The following TRAF7 variants were observed in gnomAD, a reference collection of about 807,000 sequenced individuals.
TRAF7 encodes the protein TNF receptor associated factor 7, also known as E3 ubiquitin-protein ligase TRAF7.
A neutral mutation model predicts 89.3 loss-of-function variants in TRAF7; 45 were observed. The ratio of observed to expected loss-of-function variants is 0.50; its 90% confidence interval spans 0.40 to 0.65. The LOEUF (loss-of-function observed/expected upper bound fraction) is 0.65, where lower values mean the gene tolerates loss of function less well. TRAF7 is among the 30% of genes least tolerant of loss of function. The pLI is 0.00. For missense variants in TRAF7, 677 were observed against 918.1 expected (o/e 0.74, Z 3.39); for synonymous variants, 406 against 369.2 (o/e 1.10, Z -1.14).
chr16:2,166,318 G>T (rs540272321), intron 3 of TRAF7, among the ~76,000 whole-genome samples: 1 of 152,328 alleles, frequency 6.6e-6, no homozygotes, highest in East Asian at 1.9e-4. Flanking sequence ...GTGCCCGGAG[G>T]TCTTCTCTTG....
intron 1 of TRAF7, among the ~76,000 whole-genome samples, chr16:2,156,963 G>C (rs916670957): frequency 1.2e-4 from 19 of 152,224 alleles, no homozygotes; most frequent in Admixed American, 9.2e-4. Context: ...GGTCAGCTGG[G>C]GTTGAGTCTG....
intron 14 of TRAF7, 118 bp from the exon 15 acceptor site, chr16:2,174,993 T>C (rs1882172943): frequency 7.8e-7 from 1 of 1,279,858 alleles, no homozygotes; most frequent in African/African-American, 1.5e-5. Context: ...AGCAGTGGCC[T>C]TGGCCCTGGG....
At chr16:2,176,488 C>A (rs140044726) in intron 20 of TRAF7, 72 bp from the exon 21 acceptor site, 2 of 1,612,928 alleles carry the variant, frequency 1.2e-6, no homozygotes, top group Non-Finnish European at 1.7e-6. Flanking sequence ...AGGGCAGGTA[C>A]GTGTGGCAGG....
Position 2,158,198 on chromosome 16 carries a change from A to G in TRAF7, c.-39+2340A>G, listed in dbSNP as rs1462124182. 6.6e-6 allele frequency among the ~76,000 whole-genome samples: 1 copy of G among 152,176 alleles called. No individual in the cohort carries two copies. Among genetic ancestry groups the G allele is most frequent in the African/African-American group, 2.4e-5 (1 of 41,438 alleles). On this transcript the variant is annotated intron_variant, in intron 1 of 20. Coordinates refer to ENST00000326181, the MANE Select transcript of TRAF7 (RefSeq NM_032271.3). This position sits in a 1 kb window ranked among gnomAD's most constrained non-coding sequence, Gnocchi z 4.7. ...GCGTGTGTCTCAGTCCGGCCTTCTC[A>G]GTGGGTGGGCACCGAGGACTTCACC...
chr16:2,176,132 G>A lies in TRAF7; in HGVS notation c.1830G>A (p.Thr610=), dbSNP rs1175028729. Residue 610 remains threonine (T), a synonymous_variant, in exon 19 of 21, where the codon ACG becomes ACA. Coordinates refer to ENST00000326181, the MANE Select transcript of TRAF7 (RefSeq NM_032271.3). Reference sequence around the variant, plus strand: ...TGTATGCCCTGGCGGTCATCTCGACGCCAGACCAGACCAAAGTCTTCAGTG... The same window carrying A: ...TGTATGCCCTGGCGGTCATCTCGACACCAGACCAGACCAAAGTCTTCAGTG... The part of the protein sequence containing the change: ...GTVYALAVIS[T]PDQTKVFSAS... The A allele has an allele frequency of 7.5e-6, 12 of 1,610,366 alleles. No homozygotes were observed. The highest frequency in any genetic ancestry group is 2.7e-5 in the African/African-American group (2 of 75,058).
rs935375161 is a variant in TRAF7, at chr16:2,162,301, C to T, written c.-38-1582C>T. ...AGCCCAGGAGCTCAGGTGCAGGGAA[C>T]CAAGGGCTTGAGAGCCAGCCCCTCC... On this transcript the variant is annotated intron_variant, in intron 1 of 20. Transcript: ENST00000326181. This position sits in a 1 kb window ranked among gnomAD's most constrained non-coding sequence, Gnocchi z 5.0. Among the ~76,000 whole-genome samples, 2 of 152,164 alleles carry T rather than the reference C, an allele frequency of 1.3e-5. No individual in the cohort carries two copies. Among genetic ancestry groups the T allele is most frequent in the African/African-American group, 4.8e-5 (2 of 41,458 alleles).
chr16:2,173,624 TC>T, intron 11 of TRAF7, 70 bp downstream of exon 11: 2 of 1,587,918 alleles, frequency 1.3e-6, no homozygotes, highest in Non-Finnish European at 1.7e-6. Context: ...CAGGGAGGCC[TC>T]CCCTGGCCTT....
intron 13 of TRAF7, 53 bp from the exon 14 acceptor site, chr16:2,174,198 C>T: frequency 1.9e-6 from 3 of 1,599,766 alleles, no homozygotes; most frequent in Admixed American, 1.7e-5. Context: ...TCATGCTGCC[C>T]CTTGACACTG....
rs2093047142 is a variant in TRAF7, at chr16:2,158,975, TC to T, written c.-39+3121del. On this transcript the variant is annotated intron_variant, in intron 1 of 20. Transcript: ENST00000326181. The surrounding 1 kb of genome is among the most constrained non-coding windows in gnomAD (Gnocchi z 4.7). ...CATCCTCCAGGAAGCCCTCTGGACT[TC>T]CCCTCGACTGGGCCAGGTCCCCACA... is the stretch of plus-strand genomic sequence containing the variant. 6.6e-6 allele frequency among the ~76,000 whole-genome samples: 1 copy of T among 151,882 alleles called. No individual in the cohort carries two copies. The highest frequency in any genetic ancestry group is 6.6e-5 in the Admixed American group (1 of 15,266).
chr16:2,173,594 G>GGGGAGGCCGGCGGCCCCGGCA (rs1567252553), intron 11 of TRAF7, 40 bp downstream of exon 11: 1 of 1,604,912 alleles, frequency 6.2e-7, no homozygotes, highest in African/African-American at 1.3e-5. Context: ...TGTGAGACCC[G>GGGGAGGCCGGCGGCCCCGGCA]GGGAGGCCGG....
At chr16:2,156,509 G>A (rs2093035204) in intron 1 of TRAF7, among the ~76,000 whole-genome samples, 1 of 152,152 alleles carries the variant, frequency 6.6e-6, no homozygotes, top group Admixed American at 6.5e-5. Flanking sequence ...AGAGGGTGCT[G>A]AAAAAGTGAG....
rs942769320 is a variant in TRAF7 at position 2,162,732 on chromosome 16, G to T, written c.-38-1151G>T. Among the ~76,000 whole-genome samples the T allele has an allele frequency of 4.6e-5, 7 of 152,026 alleles. No homozygotes were observed. Among genetic ancestry groups the T allele is most frequent in the Admixed American group, 2.0e-4 (3 of 15,278 alleles). On this transcript the variant is annotated intron_variant, in intron 1 of 20. Coordinates refer to ENST00000326181, the MANE Select transcript of TRAF7 (RefSeq NM_032271.3). This position sits in a 1 kb window ranked among gnomAD's most constrained non-coding sequence, Gnocchi z 5.0. ...ATGGTGTGTCCTCATGGGGTGCTGC[G>T]CATGGGCCTCGAGGTGGACAGTGCA...
intron 2 of TRAF7, among the ~76,000 whole-genome samples, chr16:2,165,587 G>A (rs1453061881): frequency 7.5e-6 from 1 of 133,246 alleles, no homozygotes; most frequent in Non-Finnish European, 1.6e-5. Flanking sequence ...TGGCCTGGTC[G>A]CATGGTTAAG....
intron 11 of TRAF7, 110 bp from the exon 12 acceptor site, chr16:2,173,678 C>A: frequency 6.4e-7 from 1 of 1,560,178 alleles, no homozygotes; most frequent in Non-Finnish European, 8.8e-7. Context: ...GTGGCAGGGG[C>A]TGCTGTCACC....
In TRAF7 at chr16:2,163,508, G is replaced by A; in HGVS notation, c.-38-375G>A. On this transcript the variant is annotated intron_variant, in intron 1 of 20. Transcript: ENST00000326181. This position sits in a 1 kb window ranked among gnomAD's most constrained non-coding sequence, Gnocchi z 4.3. Reference sequence around the variant, plus strand: ...CCACACCCTGGGCCTACCCACCAAGGCCCAGCCTTGGCCCCAGGGACATTC... The same window carrying A: ...CCACACCCTGGGCCTACCCACCAAGACCCAGCCTTGGCCCCAGGGACATTC... The A allele has an allele frequency of 4.0e-6, 1 of 247,900 alleles. No homozygotes were observed. Among genetic ancestry groups the A allele is most frequent in the South Asian group, 4.2e-5 (1 of 23,928 alleles). The allele number at this position is 247,900 out of a possible 1,614,324, so 15.4% of individuals were successfully genotyped here.
Position 2,161,942 on chromosome 16 carries a change from C to T in TRAF7, c.-38-1941C>T, listed in dbSNP as rs2093059793. ...CTGGCTGCAGGTGTGTGGCACTGCC[C>T]ACACTCAGGAGCCCCTGCCTCTTCC... On this transcript the variant is annotated intron_variant, in intron 1 of 20. Coordinates refer to ENST00000326181, the MANE Select transcript of TRAF7 (RefSeq NM_032271.3). This position sits in a 1 kb window ranked among gnomAD's most constrained non-coding sequence, Gnocchi z 5.2. Among the ~76,000 whole-genome samples, 1 of 152,194 alleles carries T rather than the reference C, an allele frequency of 6.6e-6. No individual in the cohort carries two copies. Among genetic ancestry groups the T allele is most frequent in the South Asian group, 2.1e-4 (1 of 4,834 alleles).
chr16:2,164,157 TGTGCGCGCGCGCGCGCGCGC>T (rs2093069615), intron 2 of TRAF7, among the ~76,000 whole-genome samples, 156 bp downstream of exon 2: 1 of 126,450 alleles, frequency 7.9e-6, no homozygotes, highest in African/African-American at 3.2e-5. Flanking sequence ...TGTGTGTGTG[TGTGCGCGCGCGCGCGCGCGC>T]GCGCACGCGT....
In TRAF7 at chr16:2,164,168, GCGCGCGCGCGCGCA is replaced by G. The variant is rs1473082222; in HGVS notation, c.81+172_81+185del. On this transcript the variant is annotated intron_variant, in intron 2 of 20. Transcript: ENST00000326181. ...TGTGTGTGTGTGTGTGTGCGCGCGC[GCGCGCGCGCGCGCA>G]CGCGTGCGTGTGTGGTTGGGGCGTG... Among the ~76,000 whole-genome samples, 918 of 114,812 alleles carry G rather than the reference GCGCGCGCGCGCGCA, an allele frequency of 8.0e-3. 13 individuals are homozygous for G. The highest frequency in any genetic ancestry group is 0.032 in the African/African-American group (757 of 23,676). 75.3% of individuals were successfully genotyped at this position (114,812 alleles called of 152,430 possible). A position where few individuals can be genotyped will look rare whatever the true frequency, so the allele number is the denominator to read the frequency against.
chr16:2,164,174 G>GCA (rs2093070663), intron 2 of TRAF7, among the ~76,000 whole-genome samples, 173 bp downstream of exon 2: 1 of 129,398 alleles, frequency 7.7e-6, no homozygotes, highest in South Asian at 2.4e-4. Flanking sequence ...GCGCGCGCGC[G>GCA]CGCGCGCACG....
Sources: allele counts gnomAD v4.1 joint callset (sites outside exome capture counted in the v4.1 genomes callset), GRCh38; gene constraint gnomAD v4.1.1; non-coding constraint Gnocchi (gnomAD v3.1); transcripts MANE v1.5; gene names NCBI Gene and HGNC (gene_info 2026-07-23, HGNC 2026-07-21).